The following TTN variants were observed in gnomAD, a reference collection of about 807,000 sequenced individuals.
TTN encodes the protein titin, also known as connectin.
A neutral mutation model predicts 3,223.0 loss-of-function variants in TTN; 1,525 were observed. The observed-to-expected ratio is 0.47, with a 90% CI of 0.45 to 0.49. The LOEUF is 0.49. TTN is among the 20% of genes least tolerant of loss of function. The pLI is 0.00. For synonymous variants in TTN, 14,094 were observed against 15,161.0 expected, an observed-to-expected ratio of 0.93 and a Z score of 5.17; for missense variants, 40,786 against 43,424.0, an observed-to-expected ratio of 0.94 and a Z score of 5.40.
intron 47 of TTN, chr2:178,746,396 T>A: frequency 6.2e-7 from 1 of 1,609,526 alleles, no homozygotes; most frequent in Non-Finnish European, 8.5e-7. Flanking sequence ...AGGAGTAAAT[T>A]CGGGAACTGT....
intron 3 of TTN, among the ~76,000 whole-genome samples, chr2:178,801,024 G>A (rs1016103766): frequency 2.0e-5 from 3 of 152,054 alleles, no homozygotes; most frequent in Admixed American, 6.6e-5. Context: ...CACATCTAGC[G>A]CTCTATTAAT....
chr2:178,647,099 A>G lies in TTN; in HGVS notation c.40187T>C (p.Ile13396Thr), dbSNP rs931800517. The G allele has an allele frequency of 7.7e-6, 11 of 1,421,050 alleles. No individual in the cohort carries two copies. The highest frequency in any genetic ancestry group is 1.0e-5 in the Non-Finnish European group (11 of 1,079,176). The allele number at this position is 1,421,050 out of a possible 1,614,324, so 88.0% of individuals were successfully genotyped here. A position where few individuals can be genotyped will look rare whatever the true frequency, so the allele number is the denominator to read the frequency against. ...GGGAGTCTCTTTTCTACCAATGGTTATAGATGCTTTTTCTTCATATATTAT... is the reference window on the plus strand; with the variant it reads ...GGGAGTCTCTTTTCTACCAATGGTTGTAGATGCTTTTTCTTCATATATTAT... ...EEIIYEEKAS[I>T]TIGRKETPPV... Residue 13396 changes from isoleucine (I) to threonine (T), a missense_variant, in exon 215 of 363, where the codon ATA becomes ACA. By Grantham distance (89) the Ile-to-Thr change is moderately conservative. Coordinates refer to ENST00000589042, the MANE Select transcript of TTN (RefSeq NM_001267550.2).
At chr2:178,545,722 T>C (rs1188778749) in intron 343 of TTN, 29 bp from the exon 344 acceptor site, 2 of 1,603,878 alleles carry the variant, frequency 1.2e-6, no homozygotes, top group Non-Finnish European at 1.7e-6. Context: ...ATGATGAGAA[T>C]TGCACAAAAT....
chr2:178,536,541 AGTAAT>A lies in TTN; in HGVS notation c.100201_100205del (p.Ile33401CysfsTer17). ...CAACACAAGAATCTTTTGTGACAGC[AGTAAT>A]AGTTGGTTTGCCAGGAGCACCTGGC... On this transcript the variant is annotated frameshift_variant, in exon 357 of 363. Coordinates refer to ENST00000589042, the MANE Select transcript of TTN (RefSeq NM_001267550.2). LOFTEE classifies it high-confidence loss of function. 3.3e-6 allele frequency: 5 copies of A among 1,513,000 alleles called. No homozygotes were observed. The highest frequency in any genetic ancestry group is 4.4e-6 in the Non-Finnish European group (5 of 1,135,560). The allele number at this position is 1,513,000 out of a possible 1,614,324, so 93.7% of individuals were successfully genotyped here.
At chr2:178,689,966 A>C in intron 121 of TTN, 70 bp from the exon 122 acceptor site, 1 of 1,308,318 alleles carries the variant, frequency 7.6e-7, no homozygotes. Flanking sequence ...AGGCACATGC[A>C]CAAATCTTTA....
At position 178,729,573 on chromosome 2, in the gene TTN, AT is replaced by A; in HGVS notation, c.18590-8del. On this transcript the variant is annotated splice_region_variant and splice_polypyrimidine_tract_variant and intron_variant, in intron 63 of 362. Transcript: ENST00000589042. Reference sequence around the variant, plus strand: ...CTGATAAAGGTGGGGGGTTCTAAAGATTCAAAAGGAAGACAGTAGCTTACTC... The same window carrying A: ...CTGATAAAGGTGGGGGGTTCTAAAGATCAAAAGGAAGACAGTAGCTTACTC... 2 of 1,612,008 alleles carry A rather than the reference AT, an allele frequency of 1.2e-6. No homozygotes were observed. The highest frequency in any genetic ancestry group is 1.7e-6 in the Non-Finnish European group (2 of 1,178,880).
rs2082373350 is a variant in TTN at position 178,740,919 on chromosome 2, C to G, written c.12314G>C (p.Ser4105Thr). ...TTCCTGAGCTCCCAAAGGAAGCTGA[C>G]TGCTCAATTCATTGGCTTTAGCAAT... ...EHIAKANELS[S>T]QLPLGAQELQ... The change falls in exon 48 of 363, where the codon AGT (serine) becomes ACT (threonine). Residue 4105 changes from serine (S) to threonine (T), a missense_variant. By Grantham distance (58) the Ser-to-Thr change is moderately conservative. Coordinates refer to ENST00000589042, the MANE Select transcript of TTN (RefSeq NM_001267550.2). The G allele has an allele frequency of 6.2e-7, 1 of 1,613,796 alleles. No individual in the cohort carries two copies. The highest frequency in any genetic ancestry group is 1.3e-5 in the African/African-American group (1 of 74,934).
chr2:178,784,140 A>G lies in TTN; in HGVS notation c.2705T>C (p.Val902Ala). The stretch of plus-strand genomic sequence containing the variant: ...GGTGGTGCCAGTGATGCTCACCCCT[A>G]CTTCCTTTTTCACCTCAACGCCAGC... ...SEAGVEVKKE[V>A]GVSITGTTVR... Residue 902 changes from valine (V) to alanine (A), a missense_variant, in exon 16 of 363, where the codon GTA becomes GCA. Transcript: ENST00000589042. 6.2e-7 allele frequency: 1 copy of G among 1,614,070 alleles called. No homozygotes were observed. The highest frequency in any genetic ancestry group is 8.5e-7 in the Non-Finnish European group (1 of 1,179,986).
In TTN at chr2:178,571,722, T is replaced by C. The variant is rs544547448; in HGVS notation, c.74410A>G (p.Ile24804Val). The C allele has an allele frequency of 6.2e-7, 1 of 1,613,516 alleles. No individual in the cohort carries two copies. The highest frequency in any genetic ancestry group is 1.3e-5 in the African/African-American group (1 of 75,018). ...GGAGGCCCTGGTTTGTCAAGAACGA[T>C]AACATTAAGGGTTTCAATAGCTTCA... ...AGEAIETLNV[I>V]VLDKPGPPTG... Residue 24804 changes from isoleucine to valine, a missense_variant, in exon 326 of 363, where the codon ATC becomes GTC. Coordinates refer to ENST00000589042, the MANE Select transcript of TTN (RefSeq NM_001267550.2).
At chr2:178,711,760 A>G (rs973006337) in intron 96 of TTN, among the ~76,000 whole-genome samples, 184 bp downstream of exon 96, 1 of 152,200 alleles carries the variant, frequency 6.6e-6, no homozygotes, top group African/African-American at 2.4e-5. Flanking sequence ...CCAATTAAAG[A>G]TTTAGTCATA....
chr2:178,675,431 T>C (rs2067852792), intron 149 of TTN, among the ~76,000 whole-genome samples: 1 of 151,728 alleles, frequency 6.6e-6, no homozygotes. Flanking sequence ...TAGTTATTTT[T>C]GGCTCTTTAA....
rs745361141 is a variant in TTN, at chr2:178,531,501, G to C, written c.105114C>G (p.Thr35038=). 1 of 1,613,896 alleles carries C rather than the reference G, an allele frequency of 6.2e-7. No homozygotes were observed. Among genetic ancestry groups the C allele is most frequent in the South Asian group, 1.1e-5 (1 of 91,092 alleles). ...TLDVTGGDYT[T]YASQRRDEEV... ...CTTCATCTCTGCGTTGGGAAGCATA[G>C]GTGGTATAATCCCCTCCTGTCACGT... is the stretch of plus-strand genomic sequence containing the variant. Residue 35038 remains threonine, a synonymous_variant, in exon 358 of 363, where the codon ACC becomes ACG. Coordinates refer to ENST00000589042, the MANE Select transcript of TTN (RefSeq NM_001267550.2).
Position 178,527,495 on chromosome 2 carries a change from C to T in TTN, c.107631G>A (p.Met35877Ile), listed in dbSNP as rs1686957619. The T allele has an allele frequency of 1.9e-6, 3 of 1,613,954 alleles. No homozygotes were observed. Among genetic ancestry groups the T allele is most frequent in the South Asian group, 2.2e-5 (2 of 91,066 alleles). Residue 35877 changes from methionine (M) to isoleucine (I), a missense_variant, in exon 362 of 363, where the codon ATG becomes ATA. Coordinates refer to ENST00000589042, the MANE Select transcript of TTN (RefSeq NM_001267550.2). ...SSSSFMGISN[M>I]TQLESSTSKM... ...TACTAGTTGAGCTTTCCAGTTGTGT[C>T]ATATTAGATATTCCCATAAAGCTGC...
rs1309789816 is a variant in TTN, at chr2:178,612,384, G to A, written c.50141C>T (p.Pro16714Leu). 1.9e-6 allele frequency: 3 copies of A among 1,612,494 alleles called. No individual in the cohort carries two copies. Among genetic ancestry groups the A allele is most frequent in the Non-Finnish European group, 2.5e-6 (3 of 1,179,192 alleles). ...TVKDTKCTVT[P>L]LTEGSLYVFR... ...CACATATAAAGAGCCCTCAGTCAGT[G>A]GGGTGACTGTGCACTTGGTGTCCTT... is the stretch of plus-strand genomic sequence containing the variant. The change falls in exon 266 of 363, where the codon CCA (proline) becomes CTA (leucine). Residue 16714 changes from proline to leucine, a missense_variant. Transcript: ENST00000589042.
In TTN at chr2:178,579,200, C is replaced by T. The variant is rs2047118128; in HGVS notation, c.67830G>A (p.Val22610=). Residue 22610 remains valine, a synonymous_variant, in exon 320 of 363, where the codon GTG becomes GTA. Coordinates refer to ENST00000589042, the MANE Select transcript of TTN (RefSeq NM_001267550.2). ...ESSAVNTTLI[V]YDCQKSDAGK... ...CAGCATCAGATTTTTGGCAATCGTA[C>T]ACTATAAGAGTTGTGTTAACCGCAG... 3 of 1,613,478 alleles carry T rather than the reference C, an allele frequency of 1.9e-6. No individual in the cohort carries two copies. The highest frequency in any genetic ancestry group is 4.5e-5 in the East Asian group (2 of 44,798).
At chr2:178,802,020 CT>C in intron 3 of TTN, 117 bp downstream of exon 3, 1 of 1,267,972 alleles carries the variant, frequency 7.9e-7, no homozygotes, top group Non-Finnish European at 1.1e-6. Context: ...CCAGTAGACC[CT>C]TCTGTAGTTT....
intron 47 of TTN, chr2:178,751,225 A>G: frequency 6.2e-7 from 1 of 1,610,000 alleles, no homozygotes; most frequent in Non-Finnish European, 8.5e-7. Context: ...AGCTTATTTC[A>G]GAAGACGTAT....
chr2:178,706,435 T>C lies in TTN; in HGVS notation c.29420+19A>G, dbSNP rs1456122958. 1 of 1,593,734 alleles carries C rather than the reference T, an allele frequency of 6.3e-7. No homozygotes were observed. Among genetic ancestry groups the C allele is most frequent in the South Asian group, 1.1e-5 (1 of 88,916 alleles). On this transcript the variant is annotated intron_variant, in intron 102 of 362. Transcript: ENST00000589042. Reference sequence around the variant, plus strand: ...TATGGAGGGCTGATTGTACGATTTGTGGTTTTTATTGAACTCACTTTTTCA... The same window carrying C: ...TATGGAGGGCTGATTGTACGATTTGCGGTTTTTATTGAACTCACTTTTTCA...
At position 178,647,479 on chromosome 2, in the gene TTN, T is replaced by A. The variant is rs760565479; in HGVS notation, c.40058-15A>T. ...CACTTTGGGCACTTTAAAGATATGA[T>A]TTTGTTTACTATTAAGAATTTAGAA... is the stretch of plus-strand genomic sequence containing the variant. On this transcript the variant is annotated splice_polypyrimidine_tract_variant and intron_variant, in intron 213 of 362. Coordinates refer to ENST00000589042, the MANE Select transcript of TTN (RefSeq NM_001267550.2). The A allele has an allele frequency of 2.6e-6, 4 of 1,548,848 alleles. No homozygotes were observed. Among genetic ancestry groups the A allele is most frequent in the South Asian group, 2.4e-5 (2 of 83,938 alleles).
Sources: allele counts gnomAD v4.1 joint callset (sites outside exome capture counted in the v4.1 genomes callset), GRCh38; gene constraint gnomAD v4.1.1; transcripts MANE v1.5; gene names NCBI Gene and HGNC (gene_info 2026-07-23, HGNC 2026-07-21).